PRDM16: variants seen among roughly 807,000 people sequenced by gnomAD.
PRDM16 encodes histone-lysine N-methyltransferase PRDM16.
PRDM16 carries 23 observed loss-of-function variants against 110.6 expected under a neutral mutation model. The observed-to-expected ratio is 0.21, with a 90% CI of 0.15 to 0.29. PRDM16 has a LOEUF of 0.29. Ranked by LOEUF, PRDM16 falls within the 10% of genes least tolerant of loss-of-function variation. The pLI is 1.00. For synonymous variants in PRDM16, 799 were observed against 781.8 expected (o/e 1.02, Z -0.37); for missense variants, 1,615 against 1,794.3 (o/e 0.90, Z 1.81).
intron 2 of PRDM16, among the ~76,000 whole-genome samples, chr1:3,242,821 C>T (rs1424475796): frequency 2.0e-5 from 3 of 152,166 alleles, no homozygotes; most frequent in African/African-American, 2.4e-5. Flanking sequence ...ATCATTTTCT[C>T]GTTTTATTTT....
intron 1 of PRDM16, among the ~76,000 whole-genome samples, chr1:3,097,861 C>T (rs563433942): frequency 6.6e-5 from 10 of 152,260 alleles, no homozygotes; most frequent in African/African-American, 2.4e-4. Context: ...GCAGCAGACG[C>T]CCCTCGAGCT....
At chr1:3,074,073 G>A (rs969659383) in intron 1 of PRDM16, among the ~76,000 whole-genome samples, 2 of 152,214 alleles carry the variant, frequency 1.3e-5, no homozygotes, top group African/African-American at 2.4e-5. Context: ...AGAGGGTGGG[G>A]GTCTGGCTTT....
chr1:3,419,126 G>A (rs112610477), intron 12 of PRDM16, among the ~76,000 whole-genome samples: 4 of 152,298 alleles, frequency 2.6e-5, no homozygotes, highest in South Asian at 4.1e-4. Context: ...GCCCAACTCC[G>A]TTCATCTCAC....
At chr1:3,306,698 C>A (rs1557594837) in intron 3 of PRDM16, 1 of 152,222 alleles carries the variant, frequency 6.6e-6, no homozygotes, top group Non-Finnish European at 1.5e-5. Context: ...CACACGCAAA[C>A]AATGCACCCC....
intron 1 of PRDM16, among the ~76,000 whole-genome samples, chr1:3,156,817 G>C (rs370065891): frequency 1.3e-5 from 2 of 152,180 alleles, no homozygotes; most frequent in African/African-American, 2.4e-5. Flanking sequence ...AGCTCTTCGA[G>C]GGGGGAAGCA....
rs575126441 is a variant in PRDM16 at position 3,071,732 on chromosome 1, G to A, written c.37+2436G>A. 4.3e-4 allele frequency among the ~76,000 whole-genome samples: 66 copies of A among 152,242 alleles called. 1 individual carries two copies. In the South Asian group the frequency reaches 0.013, roughly 30 times the overall value. On this transcript the variant is annotated intron_variant, in intron 1 of 16. Transcript: ENST00000270722. The stretch of plus-strand genomic sequence containing the variant: ...CTCCCCACAATGCTGACCAGGTCAG[G>A]GGACTGTGGGGTTGGGCAGGGGCAA...
At chr1:3,193,820 C>T (rs117482896) in intron 2 of PRDM16, among the ~76,000 whole-genome samples, 1,825 of 152,314 alleles carry the variant, frequency 0.012, 67 homozygotes, top group East Asian at 0.098. Flanking sequence ...AGGGCAGAGG[C>T]TGGGGGCTGC....
At position 3,411,799 on chromosome 1, in the gene PRDM16, G is replaced by A; in HGVS notation, c.1602G>A (p.Leu534=). Residue 534 remains leucine, a synonymous_variant, in exon 9 of 17, where the codon CTG becomes CTA. Coordinates refer to ENST00000270722, the MANE Select transcript of PRDM16 (RefSeq NM_022114.4). ...PRPPLLPPTS[L]LKSPLNHTQD... is the part of the protein sequence containing the mutation. ...CGCCTCTGCTACCTCCCACATCGCT[G>A]CTCAAGAGCCCCCTGAACCACACCC... 6.2e-7 allele frequency: 1 copy of A among 1,611,714 alleles called. No individual in the cohort carries two copies. The highest frequency in any genetic ancestry group is 8.5e-7 in the Non-Finnish European group (1 of 1,179,664).
rs555402356 is a variant in PRDM16 at position 3,422,957 on chromosome 1, A to G, written c.2940-2624A>G. Among the ~76,000 whole-genome samples the G allele has an allele frequency of 1.5e-3, 233 of 152,310 alleles. 1 individual carries two copies. Among genetic ancestry groups the G allele is most frequent in the African/African-American group, 5.3e-3 (220 of 41,576 alleles). On this transcript the variant is annotated intron_variant, in intron 12 of 16. Coordinates refer to ENST00000270722, the MANE Select transcript of PRDM16 (RefSeq NM_022114.4). ...GCCCACAGGCCAGGCCCCTGGGATC[A>G]GGAGCAGAGAAGGCTGAGGGTCACT...
rs927845608 is a variant in PRDM16 at position 3,350,728 on chromosome 1, C to G, written c.439-34424C>G. Among the ~76,000 whole-genome samples the G allele has an allele frequency of 6.6e-6, 1 of 152,178 alleles. No homozygotes were observed. The highest frequency in any genetic ancestry group is 2.4e-5 in the African/African-American group (1 of 41,464). On this transcript the variant is annotated intron_variant, in intron 3 of 16. Transcript: ENST00000270722. This position sits in a 1 kb window ranked among gnomAD's most constrained non-coding sequence, Gnocchi z 7.1. ...CCAGATGGCCGGGCCGGGCTGGTTC[C>G]TCCCTCCCAGGACAAGAGCTTTGTG...
chr1:3,254,519 G>A (rs1640005069), intron 3 of PRDM16, among the ~76,000 whole-genome samples: 1 of 144,542 alleles, frequency 6.9e-6, no homozygotes, highest in Admixed American at 6.8e-5. Flanking sequence ...ACCAATAACA[G>A]ACAGAGAGCC....
chr1:3,365,716 C>G (rs1012649418), intron 3 of PRDM16, among the ~76,000 whole-genome samples: 1 of 152,208 alleles, frequency 6.6e-6, no homozygotes, highest in Non-Finnish European at 1.5e-5. Context: ...AAGTGGCTCC[C>G]GTCACCTCGC....
intron 1 of PRDM16, among the ~76,000 whole-genome samples, chr1:3,072,239 G>A (rs948753853): frequency 1.3e-5 from 2 of 152,304 alleles, no homozygotes; most frequent in African/African-American, 4.8e-5. Flanking sequence ...GGGCTGTTGT[G>A]AGCCAGGTGG....
Position 3,430,900 on chromosome 1 carries a change from G to T in PRDM16, c.3313G>T (p.Ala1105Ser). 1 of 1,614,146 alleles carries T rather than the reference G, an allele frequency of 6.2e-7. No individual in the cohort carries two copies. The highest frequency in any genetic ancestry group is 8.5e-7 in the Non-Finnish European group (1 of 1,180,036). The change falls in exon 15 of 17, where the codon GCC becomes TCC. Residue 1105 changes from alanine (A) to serine (S), a missense_variant. Physicochemically the swap from Ala to Ser is moderately conservative, Grantham distance 99. Transcript: ENST00000270722. The part of the protein sequence containing the change: ...RADMQIVDGS[A>S]QCPGLASEKQ... ...GGACATGCAGATCGTGGACGGCAGT[G>T]CCCAGTGTCCAGGCCTAGCCAGTGA...
chr1:3,410,459 G>A (rs1286311153), intron 8 of PRDM16, among the ~76,000 whole-genome samples: 2 of 152,162 alleles, frequency 1.3e-5, no homozygotes, highest in Admixed American at 6.5e-5. Context: ...TCTGCATAGG[G>A]CTCCTGCCCG....
intron 12 of PRDM16, among the ~76,000 whole-genome samples, chr1:3,420,416 G>A (rs996204397): frequency 3.3e-5 from 5 of 152,200 alleles, no homozygotes; most frequent in African/African-American, 9.7e-5. Context: ...CAGCACCCAC[G>A]TGTGTGCCCG....
intron 1 of PRDM16, among the ~76,000 whole-genome samples, chr1:3,152,486 C>A (rs1225843935): frequency 6.6e-6 from 1 of 152,202 alleles, no homozygotes; most frequent in Non-Finnish European, 1.5e-5. Flanking sequence ...CTCCTGAATC[C>A]TCTGAGCAGA....
In PRDM16 at chr1:3,245,322, G is replaced by T. The variant is rs1276007676; in HGVS notation, c.438+1185G>T. Among the ~76,000 whole-genome samples the T allele has an allele frequency of 6.6e-6, 1 of 152,172 alleles. No individual in the cohort carries two copies. Among genetic ancestry groups the T allele is most frequent in the African/African-American group, 2.4e-5 (1 of 41,446 alleles). ...CTGCCAAACTCCCAGTCTCTGAGCC[G>T]AGGCATTTGGGCAGAGCTGCCTACG... On this transcript the variant is annotated intron_variant, in intron 3 of 16. Transcript: ENST00000270722. This position sits in a 1 kb window ranked among gnomAD's most constrained non-coding sequence, Gnocchi z 4.7.
In PRDM16 at chr1:3,300,937, C is replaced by T. The variant is rs1641194155; in HGVS notation, c.438+56800C>T. On this transcript the variant is annotated intron_variant, in intron 3 of 16. Coordinates refer to ENST00000270722, the MANE Select transcript of PRDM16 (RefSeq NM_022114.4). ...ATCTGTTTGCTTTTGGCACTTATCA[C>T]CTGGAAGGCAGTCCCCGTTTTCTCG... Among the ~76,000 whole-genome samples the T allele has an allele frequency of 2.0e-5, 3 of 152,274 alleles. No individual in the cohort carries two copies. The East Asian group carries it at 5.8e-4, about 29-fold the overall frequency.
Sources: allele counts gnomAD v4.1 joint callset (sites outside exome capture counted in the v4.1 genomes callset), GRCh38; gene constraint gnomAD v4.1.1; non-coding constraint Gnocchi (gnomAD v3.1); transcripts MANE v1.5; gene names NCBI Gene and HGNC (gene_info 2026-07-23, HGNC 2026-07-21).